NKAIN2: variants seen among roughly 807,000 people sequenced by gnomAD.
NKAIN2 encodes the protein sodium/potassium-transporting ATPase subunit beta-1-interacting protein 2.
In NKAIN2, 14 loss-of-function variants were observed where a neutral mutation model predicts 32.6. The ratio of observed to expected loss-of-function variants is 0.43; its 90% confidence interval spans 0.28 to 0.67. The LOEUF (loss-of-function observed/expected upper bound fraction) is 0.67. Ranked by LOEUF, NKAIN2 falls within the 30% of genes least tolerant of loss-of-function variation. The probability of loss-of-function intolerance (pLI) is 0.17; values close to 1 mark genes in which losing one functional copy is unlikely to be tolerated. For missense variants in NKAIN2, 198 were observed against 258.3 expected (o/e 0.77, Z 1.60); for synonymous variants, 80 against 87.2 (o/e 0.92, Z 0.46).
At chr6:124,177,561 C>T (rs1161281219) in intron 1 of NKAIN2, among the ~76,000 whole-genome samples, 3 of 152,078 alleles carry the variant, frequency 2.0e-5, no homozygotes, top group Non-Finnish European at 2.9e-5. Flanking sequence ...AAAAATTAAT[C>T]CCTATTTAGA....
intron 4 of NKAIN2, among the ~76,000 whole-genome samples, chr6:124,714,069 A>G (rs1254339420): frequency 6.6e-6 from 1 of 152,208 alleles, no homozygotes; most frequent in Non-Finnish European, 1.5e-5. Context: ...TTCTACCCCT[A>G]TGGGATGTAT....
At chr6:124,525,669 G>C (rs950926438) in intron 3 of NKAIN2, among the ~76,000 whole-genome samples, 1 of 148,158 alleles carries the variant, frequency 6.7e-6, no homozygotes, top group Non-Finnish European at 1.5e-5. Flanking sequence ...CAACAATGTA[G>C]AGTTATAGAA....
intron 3 of NKAIN2, among the ~76,000 whole-genome samples, chr6:124,509,067 ACAACT>A (rs1042260232): frequency 2.0e-5 from 3 of 152,208 alleles, no homozygotes; most frequent in Non-Finnish European, 2.9e-5. Flanking sequence ...TTTAGGAAAC[ACAACT>A]CAATTCATAA....
intron 1 of NKAIN2, among the ~76,000 whole-genome samples, chr6:124,193,422 CA>C (rs1790131070): frequency 1.3e-5 from 2 of 152,294 alleles, no homozygotes; most frequent in South Asian, 4.1e-4. Flanking sequence ...TGTGCAGCTG[CA>C]CCAGGCATAC....
At chr6:123,844,636 T>G (rs956070263) in intron 1 of NKAIN2, among the ~76,000 whole-genome samples, 1 of 152,228 alleles carries the variant, frequency 6.6e-6, no homozygotes. Flanking sequence ...CTAATCATAC[T>G]ACATGGATAC....
intron 3 of NKAIN2, among the ~76,000 whole-genome samples, chr6:124,483,070 C>T (rs1317846996): frequency 1.3e-5 from 2 of 151,498 alleles, no homozygotes; most frequent in Non-Finnish European, 2.9e-5. Flanking sequence ...TGCAGTGAGC[C>T]GAGATCGTGC....
chr6:124,614,193 A>T (rs1239528702), intron 3 of NKAIN2, among the ~76,000 whole-genome samples: 3 of 152,188 alleles, frequency 2.0e-5, no homozygotes, highest in Non-Finnish European at 4.4e-5. Flanking sequence ...CAGGAGTTCG[A>T]GACCAGCCTG....
intron 3 of NKAIN2, among the ~76,000 whole-genome samples, chr6:124,609,139 T>C (rs1216310856): frequency 1.3e-5 from 2 of 152,142 alleles, no homozygotes; most frequent in African/African-American, 4.8e-5. Flanking sequence ...TTAATTTCAG[T>C]TGTTGTCTGG....
chr6:124,233,346 C>T (rs991043887), intron 1 of NKAIN2, among the ~76,000 whole-genome samples: 3 of 152,226 alleles, frequency 2.0e-5, no homozygotes, highest in East Asian at 1.9e-4. Flanking sequence ...AATTGGCTGT[C>T]GCCATTGCTT....
chr6:123,880,687 T>C (rs542945620), intron 1 of NKAIN2, among the ~76,000 whole-genome samples: 15 of 152,338 alleles, frequency 9.8e-5, no homozygotes, highest in African/African-American at 3.6e-4. Flanking sequence ...TTAGAACTTA[T>C]CAGAATAAAA....
intron 1 of NKAIN2, among the ~76,000 whole-genome samples, chr6:124,116,423 T>A (rs796853529): frequency 2.0e-4 from 31 of 152,222 alleles, no homozygotes; most frequent in African/African-American, 7.0e-4. Flanking sequence ...TTCTAAGATG[T>A]TTGTGTAATG....
intron 1 of NKAIN2, among the ~76,000 whole-genome samples, chr6:124,048,672 T>A (rs2114827197): frequency 6.6e-6 from 1 of 152,180 alleles, no homozygotes; most frequent in African/African-American, 2.4e-5. Flanking sequence ...AGGATTTAAA[T>A]TCTTGGGGAT....
chr6:124,393,282 G>GC (rs1773221713), intron 3 of NKAIN2, among the ~76,000 whole-genome samples: 1 of 151,760 alleles, frequency 6.6e-6, no homozygotes, highest in South Asian at 2.1e-4. Context: ...TTACACAATG[G>GC]CCCAATACGT....
intron 3 of NKAIN2, among the ~76,000 whole-genome samples, chr6:124,424,195 G>A (rs61607341): frequency 2.5e-3 from 381 of 152,078 alleles, no homozygotes; most frequent in African/African-American, 9.0e-3. Context: ...GGGTTTCACA[G>A]TGTTAGCCAG....
intron 1 of NKAIN2, among the ~76,000 whole-genome samples, chr6:124,150,030 T>C (rs1467225619): frequency 6.6e-6 from 1 of 152,072 alleles, no homozygotes; most frequent in Non-Finnish European, 1.5e-5. Context: ...CAAGCCTGTT[T>C]AAAATAAATT....
At chr6:124,627,315 A>G (rs1783391956) in intron 3 of NKAIN2, among the ~76,000 whole-genome samples, 1 of 152,228 alleles carries the variant, frequency 6.6e-6, no homozygotes, top group Admixed American at 6.5e-5. Flanking sequence ...AAGTGTGTTT[A>G]ACTATGAGAA....
intron 4 of NKAIN2, among the ~76,000 whole-genome samples, chr6:124,763,484 C>T (rs1778366331): frequency 6.6e-6 from 1 of 152,140 alleles, no homozygotes; most frequent in African/African-American, 2.4e-5. Flanking sequence ...ACAACCACAT[C>T]TCACAAGAAC....
At position 123,883,651 on chromosome 6, in the gene NKAIN2, T is replaced by A. The variant is rs536922621; in HGVS notation, c.54+79397T>A. Among the ~76,000 whole-genome samples the A allele has an allele frequency of 8.2e-3, 916 of 111,882 alleles. 8 individuals carry two copies. Among genetic ancestry groups the A allele is most frequent in the African/African-American group, 0.025 (831 of 33,046 alleles). 73.4% of individuals were successfully genotyped at this position (111,882 alleles called of 152,430 possible). On this transcript the variant is annotated intron_variant, in intron 1 of 6. Transcript: ENST00000368417. ...ATTAAACCTCTTTTTTAAAAAAAAATTTTTTTTAAAATTTTAAAAAACCTC... is the reference window on the plus strand; with the variant it reads ...ATTAAACCTCTTTTTTAAAAAAAAAATTTTTTTAAAATTTTAAAAAACCTC...
chr6:124,142,480 A>T (rs1787194138), intron 1 of NKAIN2, among the ~76,000 whole-genome samples: 1 of 152,206 alleles, frequency 6.6e-6, no homozygotes, highest in East Asian at 1.9e-4. Flanking sequence ...GAAAAAGCCC[A>T]CAGTGTGATT....
Sources: allele counts gnomAD v4.1 joint callset (sites outside exome capture counted in the v4.1 genomes callset), GRCh38; gene constraint gnomAD v4.1.1; transcripts MANE v1.5; gene names NCBI Gene and HGNC (gene_info 2026-07-23, HGNC 2026-07-21).